The following FAM13A variants were observed in gnomAD, a reference collection of about 807,000 sequenced individuals.
FAM13A encodes protein FAM13A.
Under a neutral mutation model 129.6 loss-of-function variants are expected in FAM13A, and 76 were observed. The observed-to-expected ratio is 0.59, with a 90% CI of 0.49 to 0.71. The LOEUF (loss-of-function observed/expected upper bound fraction) is 0.71. Among genes scored for constraint, FAM13A ranks in the 30% least tolerant of loss-of-function variants. FAM13A has a pLI of 0.00. For missense variants in FAM13A, 1,108 were observed against 1,249.3 expected (o/e 0.89, Z 1.70); for synonymous variants, 443 against 449.9 (o/e 0.98, Z 0.20).
At chr4:89,038,462 T>TA (rs35626848) in intron 1 of FAM13A, among the ~76,000 whole-genome samples, 13,799 of 146,642 alleles carry the variant, frequency 0.094, 642 homozygotes, top group Middle Eastern at 0.11. Context: ...CAGAAAGCAA[T>TA]AAAAAAAAAA....
rs891358323 is a variant in FAM13A, at chr4:88,851,592, G to C, written c.844-409C>G. ...GGAAAAAAAAGAGCTAAGAACCACT[G>C]GAATAAAGGATGCCAGTGTCTGAAA... On this transcript the variant is annotated intron_variant, in intron 6 of 23. Transcript: ENST00000264344. 5.3e-5 allele frequency among the ~76,000 whole-genome samples: 8 copies of C among 152,066 alleles called. No individual in the cohort carries two copies. The East Asian group carries it at 1.5e-3, about 29-fold the overall frequency.
chr4:88,947,386 G>C (rs527965760), intron 4 of FAM13A, among the ~76,000 whole-genome samples: 1 of 152,256 alleles, frequency 6.6e-6, no homozygotes, highest in South Asian at 2.1e-4. Flanking sequence ...TCTAACTTGG[G>C]TGACAGAGAG....
chr4:88,914,085 TCTTAGGAATCTACC>T (rs1422461083), intron 5 of FAM13A, among the ~76,000 whole-genome samples: 1 of 152,064 alleles, frequency 6.6e-6, no homozygotes, highest in African/African-American at 2.4e-5. Context: ...CAGGACAATG[TCTTAGGAATCTACC>T]CTGATTCCTC....
At chr4:88,737,436 C>G (rs1352754787) in intron 21 of FAM13A, 36 bp downstream of exon 21, 1 of 1,569,310 alleles carries the variant, frequency 6.4e-7, no homozygotes, top group Non-Finnish European at 8.8e-7. Flanking sequence ...GGAACTGGTG[C>G]GGATTTAGCA....
chr4:88,948,574 C>T (rs1398987289), intron 4 of FAM13A, among the ~76,000 whole-genome samples: 2 of 151,890 alleles, frequency 1.3e-5, no homozygotes, highest in Non-Finnish European at 2.9e-5. Context: ...CTGCAACCTC[C>T]GCCTCCCGGG....
In FAM13A at chr4:89,020,732, T is replaced by C. The variant is rs542505235; in HGVS notation, c.218-63A>G. 2.0e-4 allele frequency: 210 copies of C among 1,051,084 alleles called. 2 individuals are homozygous for C. In the South Asian group the frequency reaches 2.5e-3, roughly 13 times the overall value. 65.1% of individuals were successfully genotyped at this position (1,051,084 alleles called of 1,614,324 possible). On this transcript the variant is annotated intron_variant, in intron 2 of 23. Transcript: ENST00000264344. ...TCTCACAGACATGAAACGTAAAGAA[T>C]GATAACAACACAAAGAAAGAAATCT...
chr4:88,987,757 G>A (rs1762419557), intron 4 of FAM13A, among the ~76,000 whole-genome samples: 1 of 148,128 alleles, frequency 6.8e-6, no homozygotes, highest in South Asian at 2.2e-4. Flanking sequence ...CAGGAGAATG[G>A]CGTGAACCCG....
chr4:88,767,936 C>A lies in FAM13A; in HGVS notation c.1535+47G>T, dbSNP rs1052879705. The A allele has an allele frequency of 4.3e-6, 5 of 1,174,112 alleles. No homozygotes were observed. The Admixed American group carries it at 8.6e-5, about 20-fold the overall frequency. The allele number at this position is 1,174,112 out of a possible 1,614,324, so 72.7% of individuals were successfully genotyped here. On this transcript the variant is annotated intron_variant, in intron 12 of 23. Transcript: ENST00000264344. ...TCACATTGCATTACATGAAAATAACCTTTTCCTGCCCTTGGAAAGAATATT... is the reference window on the plus strand; with the variant it reads ...TCACATTGCATTACATGAAAATAACATTTTCCTGCCCTTGGAAAGAATATT...
chr4:88,972,579 G>A (rs1011966958), intron 4 of FAM13A, among the ~76,000 whole-genome samples: 2 of 151,968 alleles, frequency 1.3e-5, no homozygotes, highest in African/African-American at 2.4e-5. Context: ...AGGATTACAG[G>A]TGTGAGCCAC....
chr4:88,925,431 CATT>C (rs911984084), intron 5 of FAM13A, among the ~76,000 whole-genome samples: 5 of 151,966 alleles, frequency 3.3e-5, no homozygotes, highest in African/African-American at 1.2e-4. Context: ...TGGAAATCAT[CATT>C]CTCAGTAAAC....
At chr4:88,979,884 T>A (rs1761435079) in intron 4 of FAM13A, among the ~76,000 whole-genome samples, 1 of 152,112 alleles carries the variant, frequency 6.6e-6, no homozygotes, top group Non-Finnish European at 1.5e-5. Context: ...GGCAGAAGAA[T>A]CGCTTGAACC....
chr4:88,896,971 A>C (rs1746461064), intron 6 of FAM13A, among the ~76,000 whole-genome samples: 1 of 152,238 alleles, frequency 6.6e-6, no homozygotes, highest in Non-Finnish European at 1.5e-5. Context: ...TTAAGAATGC[A>C]GCAACTATCA....
intron 8 of FAM13A, among the ~76,000 whole-genome samples, chr4:88,798,196 T>C (rs996264544): frequency 1.3e-5 from 2 of 152,242 alleles, no homozygotes; most frequent in African/African-American, 4.8e-5. Flanking sequence ...TTTGGTCCAA[T>C]TTTATGATTA....
chr4:88,987,170 T>C (rs1762338885), intron 4 of FAM13A, among the ~76,000 whole-genome samples: 1 of 152,172 alleles, frequency 6.6e-6, no homozygotes, highest in African/African-American at 2.4e-5. Context: ...TTTAATGTTG[T>C]TCATTCCCCA....
At chr4:88,849,367 T>C (rs1737175472) in intron 7 of FAM13A, among the ~76,000 whole-genome samples, 1 of 152,204 alleles carries the variant, frequency 6.6e-6, no homozygotes, top group Non-Finnish European at 1.5e-5. Flanking sequence ...CCCTATGGTA[T>C]CTATCACCTC....
chr4:88,826,732 A>C (rs1733056992), intron 7 of FAM13A, among the ~76,000 whole-genome samples: 1 of 152,126 alleles, frequency 6.6e-6, no homozygotes, highest in South Asian at 2.1e-4. Flanking sequence ...TCCAGCACAC[A>C]TCTTGCCTCA....
rs371822232 is a variant in FAM13A at position 88,909,843 on chromosome 4, C to A, written c.760-3381G>T. The stretch of plus-strand genomic sequence containing the variant: ...GAATTAGGTAATGGTGATGATTGCA[C>A]AGTTTTGTGAACACACACAAAGCCA... On this transcript the variant is annotated intron_variant, in intron 5 of 23. Transcript: ENST00000264344. 8.5e-5 allele frequency among the ~76,000 whole-genome samples: 13 copies of A among 152,116 alleles called. No individual in the cohort carries two copies. The East Asian group carries it at 1.2e-3, about 14-fold the overall frequency.
chr4:88,828,718 C>T (rs945650541), intron 7 of FAM13A, among the ~76,000 whole-genome samples: 4 of 152,150 alleles, frequency 2.6e-5, no homozygotes, highest in Non-Finnish European at 5.9e-5. Context: ...CAATATTCTA[C>T]CCACTTTTTA....
At chr4:88,820,610 GC>G (rs1731706973) in intron 7 of FAM13A, among the ~76,000 whole-genome samples, 1 of 152,140 alleles carries the variant, frequency 6.6e-6, no homozygotes. Context: ...TCCTATATAT[GC>G]CAGCTGTCAC....
Sources: allele counts gnomAD v4.1 joint callset (sites outside exome capture counted in the v4.1 genomes callset), GRCh38; gene constraint gnomAD v4.1.1; transcripts MANE v1.5; gene names NCBI Gene and HGNC (gene_info 2026-07-23, HGNC 2026-07-21).